The following FOXP2 variants were observed in gnomAD, a reference collection of about 807,000 sequenced individuals.
FOXP2 encodes forkhead box protein P2.
A neutral mutation model predicts 115.8 loss-of-function variants in FOXP2; 12 were observed. That is an observed-to-expected ratio of 0.10 (90% CI 0.07 to 0.17). The LOEUF is 0.17. Among genes scored for constraint, FOXP2 ranks in the 10% least tolerant of loss-of-function variants. FOXP2 has a pLI of 1.00. For missense variants in FOXP2, 629 were observed against 843.5 expected (o/e 0.75, Z 3.15); for synonymous variants, 328 against 297.7 (o/e 1.10, Z -1.05).
At chr7:114,489,437 G>C (rs1380529598) in intron 2 of FOXP2, among the ~76,000 whole-genome samples, 8 of 151,960 alleles carry the variant, frequency 5.3e-5, no homozygotes, top group African/African-American at 1.9e-4. Flanking sequence ...GTCTGAAATT[G>C]GTTCTATTTA....
chr7:114,370,220 T>A (rs1791970906), intron 2 of FOXP2, among the ~76,000 whole-genome samples: 1 of 152,234 alleles, frequency 6.6e-6, no homozygotes, highest in South Asian at 2.1e-4. Flanking sequence ...AATATGTGAA[T>A]TTACTGACCC....
chr7:114,446,945 T>G (rs1263738509), intron 2 of FOXP2, among the ~76,000 whole-genome samples: 1 of 151,918 alleles, frequency 6.6e-6, no homozygotes, highest in Non-Finnish European at 1.5e-5. Flanking sequence ...AGACAGGGTT[T>G]CACCATGTTG....
In FOXP2 at chr7:114,665,838, C is replaced by G. The variant is rs188588816; in HGVS notation, c.2003+1402C>G. The G allele has an allele frequency of 1.2e-4, 19 of 152,192 alleles. 2 individuals carry two copies. In the East Asian group the frequency reaches 3.7e-3, roughly 29 times the overall value. The allele number at this position is 152,192 out of a possible 1,614,324, so 9.4% of individuals were successfully genotyped here. A position where few individuals can be genotyped will look rare whatever the true frequency, so the allele number is the denominator to read the frequency against. ...AAAAGTTTTTATATCCCCGCTTTATCCTATCAGCCATGCAGTGGGTAGCTT... is the reference window on the plus strand; with the variant it reads ...AAAAGTTTTTATATCCCCGCTTTATGCTATCAGCCATGCAGTGGGTAGCTT... On this transcript the variant is annotated intron_variant, in intron 16 of 16. Coordinates refer to ENST00000350908, the MANE Select transcript of FOXP2 (RefSeq NM_014491.4).
At chr7:114,499,024 A>G in intron 2 of FOXP2, 1 of 705,600 alleles carries the variant, frequency 1.4e-6, no homozygotes, top group Non-Finnish European at 2.6e-6. Context: ...AGAAATGCAC[A>G]TTCTCAGGCC....
chr7:114,207,213 G>C (rs1417323925), intron 1 of FOXP2, among the ~76,000 whole-genome samples: 1 of 152,158 alleles, frequency 6.6e-6, no homozygotes, highest in Non-Finnish European at 1.5e-5. Flanking sequence ...TTCGGTAGTT[G>C]ATGGACATTT....
At chr7:114,310,317 C>T (rs1370820244) in intron 2 of FOXP2, among the ~76,000 whole-genome samples, 1 of 152,142 alleles carries the variant, frequency 6.6e-6, no homozygotes, top group South Asian at 2.1e-4. Flanking sequence ...AATTGAGATG[C>T]CACTAGGTCT....
At chr7:114,165,837 G>A (rs896419208) in intron 1 of FOXP2, among the ~76,000 whole-genome samples, 6 of 152,198 alleles carry the variant, frequency 3.9e-5, no homozygotes, top group South Asian at 4.1e-4. Context: ...AAAGAAAATC[G>A]GAGGACTGAC....
chr7:114,176,971 G>C (rs1407341004), intron 1 of FOXP2, among the ~76,000 whole-genome samples: 1 of 151,800 alleles, frequency 6.6e-6, no homozygotes, highest in East Asian at 1.9e-4. Flanking sequence ...TCTGTGTCTG[G>C]GCTTTTTTTC....
intron 1 of FOXP2, among the ~76,000 whole-genome samples, chr7:114,200,470 A>C (rs753833187): frequency 2.6e-5 from 4 of 152,334 alleles, no homozygotes; most frequent in Non-Finnish European, 5.9e-5. Flanking sequence ...GACAGGAAAC[A>C]CTGAAAGAAG....
At position 114,361,941 on chromosome 7, in the gene FOXP2, C is replaced by T. The variant is rs1022533101; in HGVS notation, c.-10-64561C>T. On this transcript the variant is annotated intron_variant, in intron 2 of 17. Transcript: ENST00000634411. ...ATTATTTCTTTTAGTTACAAAGATT[C>T]GCTATAGGAACAATGCCTAAAGATC... is the stretch of plus-strand genomic sequence containing the variant. Among the ~76,000 whole-genome samples, 9 of 151,840 alleles carry T rather than the reference C, an allele frequency of 5.9e-5. No individual in the cohort carries two copies. In the East Asian group the frequency reaches 9.6e-4, roughly 16 times the overall value.
At chr7:114,648,661 CTTAA>C (rs1204786511) in intron 8 of FOXP2, among the ~76,000 whole-genome samples, 1 of 152,008 alleles carries the variant, frequency 6.6e-6, no homozygotes, top group Admixed American at 6.6e-5. Context: ...GAAGTGCTTG[CTTAA>C]TTGTTTTTAG....
chr7:114,399,852 T>C (rs944605640), intron 2 of FOXP2, among the ~76,000 whole-genome samples: 1 of 151,054 alleles, frequency 6.6e-6, no homozygotes, highest in African/African-American at 2.4e-5. Context: ...TCATTTTCTT[T>C]TTTTTTTTTT....
intron 2 of FOXP2, among the ~76,000 whole-genome samples, chr7:114,489,640 G>T (rs1003698153): frequency 4.0e-5 from 6 of 151,828 alleles, no homozygotes; most frequent in Admixed American, 2.0e-4. Context: ...ATACCTTGTT[G>T]CCCGTTTTAC....
intron 1 of FOXP2, among the ~76,000 whole-genome samples, chr7:114,142,735 T>A (rs1792254464): frequency 6.6e-6 from 1 of 152,118 alleles, no homozygotes; most frequent in Non-Finnish European, 1.5e-5. Flanking sequence ...CCATGTGGAT[T>A]AACTATTTAT....
intron 2 of FOXP2, among the ~76,000 whole-genome samples, chr7:114,346,375 A>G (rs1428522713): frequency 3.3e-5 from 5 of 151,936 alleles, no homozygotes; most frequent in African/African-American, 9.6e-5. Flanking sequence ...AATGGATAAA[A>G]TAAATGTGGT....
At chr7:114,098,081 G>A (rs1799689034) in intron 1 of FOXP2, among the ~76,000 whole-genome samples, 2 of 152,158 alleles carry the variant, frequency 1.3e-5, no homozygotes, top group Admixed American at 1.3e-4. Flanking sequence ...TAACAAGAGA[G>A]GTAAATAAAA....
chr7:114,470,646 T>C (rs775241397), intron 2 of FOXP2, among the ~76,000 whole-genome samples: 12 of 152,202 alleles, frequency 7.9e-5, no homozygotes, highest in Non-Finnish European at 1.6e-4. Context: ...AGGCTTCTTA[T>C]TAAGATCAGT....
intron 1 of FOXP2, among the ~76,000 whole-genome samples, chr7:114,265,560 T>A (rs1043144434): frequency 6.6e-6 from 1 of 152,038 alleles, no homozygotes; most frequent in Non-Finnish European, 1.5e-5. Flanking sequence ...CAGTCTGGGG[T>A]CTGGAGCATG....
chr7:114,235,419 C>T (rs991292536), intron 1 of FOXP2, among the ~76,000 whole-genome samples: 3 of 150,946 alleles, frequency 2.0e-5, no homozygotes, highest in African/African-American at 7.3e-5. Flanking sequence ...AAAGGAAAAA[C>T]ACTTGTGAAA....
Sources: gnomAD v4.1 joint callset for allele counts (sites outside exome capture counted in the v4.1 genomes callset) on GRCh38, gnomAD v4.1.1 for gene constraint, MANE v1.5 for transcripts, NCBI Gene and HGNC (gene_info 2026-07-23, HGNC 2026-07-21) for gene names.